Variants in ANO4 observed in about 807,000 individuals in gnomAD.
ANO4 encodes anoctamin 4.
In ANO4, 69 loss-of-function variants were observed where a neutral mutation model predicts 141.9. The observed-to-expected ratio is 0.49, with a 90% CI of 0.40 to 0.59. ANO4 has a LOEUF of 0.59. Among genes scored for constraint, ANO4 ranks in the 20% least tolerant of loss-of-function variants. The pLI is 0.00. For synonymous variants in ANO4, 350 were observed against 394.3 expected (o/e 0.89, Z 1.33); for missense variants, 894 against 1,162.2 (o/e 0.77, Z 3.36).
rs63330161 is a variant in ANO4 at position 100,919,670 on chromosome 12, C to CTGTG, written c.56-2524_56-2521dup. ...ACATGACTGTACTTGGGACATGTCTCTGTGTGTGTGTGTGTGTGTGTGTGT... is the reference window on the plus strand; with the variant it reads ...ACATGACTGTACTTGGGACATGTCTCTGTGTGTGTGTGTGTGTGTGTGTGTGTGT... On this transcript the variant is annotated intron_variant, in intron 2 of 27. Coordinates refer to ENST00000392977, the MANE Select transcript of ANO4 (RefSeq NM_001286615.2). Among the ~76,000 whole-genome samples, 692 of 139,844 alleles carry CTGTG rather than the reference C, an allele frequency of 4.9e-3. 8 individuals are homozygous for CTGTG. The highest frequency in any genetic ancestry group is 0.024 in the East Asian group (116 of 4,806). 91.7% of individuals were successfully genotyped at this position (139,844 alleles called of 152,430 possible).
Position 100,912,827 on chromosome 12 carries a change from A to T in ANO4, c.56-9399A>T, listed in dbSNP as rs77037375. On this transcript the variant is annotated intron_variant, in intron 2 of 27. Coordinates refer to ENST00000392977, the MANE Select transcript of ANO4 (RefSeq NM_001286615.2). ...TTGTATGGAAAAAGCGACAAGGGCT[A>T]CTTTGGACTTCTGTTTTATTTCTCA... 3.3e-5 allele frequency among the ~76,000 whole-genome samples: 5 copies of T among 152,314 alleles called. No homozygotes were observed. The East Asian group carries it at 9.7e-4, about 29-fold the overall frequency.
chr12:100,863,736 G>C (rs1009357768), intron 1 of ANO4, among the ~76,000 whole-genome samples: 4 of 152,072 alleles, frequency 2.6e-5, no homozygotes, highest in Admixed American at 2.0e-4. Context: ...AGATTTTTGG[G>C]ACAGGATTAT....
chr12:100,787,881 C>T (rs2033923689), intron 3 of ANO4, among the ~76,000 whole-genome samples: 1 of 152,232 alleles, frequency 6.6e-6, no homozygotes, highest in South Asian at 2.1e-4. Flanking sequence ...GGAAAAAAAG[C>T]TTGGATTTGG....
intron 14 of ANO4, chr12:101,068,963 C>A (rs903564567): frequency 6.4e-6 from 5 of 781,894 alleles, no homozygotes; most frequent in South Asian, 1.3e-5. Context: ...TGCACCAAAG[C>A]CCTCATTGAC....
At chr12:101,026,110 A>C (rs1409652705) in intron 9 of ANO4, among the ~76,000 whole-genome samples, 1 of 152,218 alleles carries the variant, frequency 6.6e-6, no homozygotes, top group Non-Finnish European at 1.5e-5. Flanking sequence ...ATCAGATGAC[A>C]TGATCACCTA....
In ANO4 at chr12:101,040,214, G is replaced by A. The variant is rs1477972304; in HGVS notation, c.1019+138G>A. ...CTCATATCTGGCTTCTTCACAAGAG[G>A]AAACTCATCTGAGGACATCAGCTGT... On this transcript the variant is annotated intron_variant, in intron 11 of 27. Coordinates refer to ENST00000392977, the MANE Select transcript of ANO4 (RefSeq NM_001286615.2). The A allele has an allele frequency of 3.6e-6, 4 of 1,096,276 alleles. No individual in the cohort carries two copies. In the African/African-American group the frequency reaches 4.7e-5, roughly 13 times the overall value. The allele number at this position is 1,096,276 out of a possible 1,614,324, so 67.9% of individuals were successfully genotyped here. A position where few individuals can be genotyped will look rare whatever the true frequency, so the allele number is the denominator to read the frequency against.
chr12:101,052,998 G>A (rs745357407), intron 14 of ANO4, among the ~76,000 whole-genome samples: 2 of 152,172 alleles, frequency 1.3e-5, no homozygotes, highest in East Asian at 1.9e-4. Flanking sequence ...TCCAAAGTGT[G>A]TCCACCATGT....
chr12:100,783,054 T>G (rs1016870193), intron 3 of ANO4, among the ~76,000 whole-genome samples: 4 of 152,198 alleles, frequency 2.6e-5, no homozygotes, highest in Non-Finnish European at 5.9e-5. Context: ...GGCTTCTTCC[T>G]CCCTTCCTTC....
At chr12:100,747,807 A>G (rs766110603) in intron 3 of ANO4, among the ~76,000 whole-genome samples, 3 of 152,234 alleles carry the variant, frequency 2.0e-5, no homozygotes, top group Non-Finnish European at 4.4e-5. Context: ...CGGGAGGTGA[A>G]GGTTGCAGTG....
Position 100,758,379 on chromosome 12 carries a change from C to T in ANO4, c.358+18274C>T, listed in dbSNP as rs139591748. Among the ~76,000 whole-genome samples the T allele has an allele frequency of 6.0e-4, 92 of 152,278 alleles. No homozygotes were observed. In the East Asian group the frequency reaches 0.012, roughly 20 times the overall value. Reference sequence around the variant, plus strand: ...GACACTCCAATCTTCCTCAAAGGCACAAGTGCAAGTGGAGTGAGGCAGTCT... The same window carrying T: ...GACACTCCAATCTTCCTCAAAGGCATAAGTGCAAGTGGAGTGAGGCAGTCT... On this transcript the variant is annotated intron_variant, in intron 3 of 29. Coordinates refer to the ANO4 transcript ENST00000644049.
At chr12:100,976,811 G>A (rs2136292099) in intron 7 of ANO4, among the ~76,000 whole-genome samples, 1 of 152,318 alleles carries the variant, frequency 6.6e-6, no homozygotes, top group South Asian at 2.1e-4. Context: ...GGTGAAGAGA[G>A]GTTTCTCCCA....
intron 1 of ANO4, among the ~76,000 whole-genome samples, chr12:100,884,173 T>C (rs933697147): frequency 2.0e-5 from 3 of 152,258 alleles, no homozygotes; most frequent in Admixed American, 6.5e-5. Context: ...CAACTGTCTA[T>C]AGAGGCACAT....
chr12:101,119,703 C>T (rs1441286515), intron 25 of ANO4, among the ~76,000 whole-genome samples: 1 of 152,018 alleles, frequency 6.6e-6, no homozygotes, highest in Non-Finnish European at 1.5e-5. Context: ...CAGACAAATG[C>T]ATATACATAT....
At chr12:100,725,910 C>A (rs569667484) in intron 1 of ANO4, among the ~76,000 whole-genome samples, 1 of 152,292 alleles carries the variant, frequency 6.6e-6, no homozygotes, top group African/African-American at 2.4e-5. Context: ...ACTTAACCCT[C>A]CAGGTGCCAT....
intron 5 of ANO4, among the ~76,000 whole-genome samples, chr12:100,947,801 T>A (rs943617171): frequency 1.3e-5 from 2 of 152,202 alleles, no homozygotes; most frequent in African/African-American, 4.8e-5. Context: ...TAGTAAGAGA[T>A]AAAGCCATTA....
intron 1 of ANO4, among the ~76,000 whole-genome samples, chr12:100,717,740 A>T (rs2030670570): frequency 6.6e-6 from 1 of 152,180 alleles, no homozygotes. Context: ...TAACCCGGGA[A>T]CCGGGTGTCT....
chr12:100,762,141 AT>A, intron 3 of ANO4, among the ~76,000 whole-genome samples: 1 of 152,270 alleles, frequency 6.6e-6, no homozygotes, highest in South Asian at 2.1e-4. Flanking sequence ...TTCAAAAGTC[AT>A]TTTTATAAGG....
At chr12:101,068,860 G>C in intron 14 of ANO4, 1 of 910,932 alleles carries the variant, frequency 1.1e-6, no homozygotes, top group East Asian at 2.4e-5. Flanking sequence ...GAAAGTAGAG[G>C]GTTGAATCTC....
chr12:100,791,105 G>A (rs900286652), upstream of ANO4, among the ~76,000 whole-genome samples: 4 of 152,194 alleles, frequency 2.6e-5, no homozygotes, highest in Admixed American at 2.0e-4. Flanking sequence ...AAGGCTGGGT[G>A]TGGTGGTTCA....
Sources: gnomAD v4.1 joint callset for allele counts (sites outside exome capture counted in the v4.1 genomes callset) on GRCh38, gnomAD v4.1.1 for gene constraint, MANE v1.5 for transcripts, NCBI Gene and HGNC (gene_info 2026-07-23, HGNC 2026-07-21) for gene names.